Variants in SLC6A5 observed in about 807,000 individuals in gnomAD.
SLC6A5 encodes the protein solute carrier family 6 member 5, also known as sodium- and chloride-dependent glycine transporter 2.
In SLC6A5, 58 loss-of-function variants were observed where a neutral mutation model predicts 90.5. That is an observed-to-expected ratio of 0.64 (90% CI 0.52 to 0.80). SLC6A5 has a LOEUF of 0.80. Ranked by LOEUF, SLC6A5 falls within the 30% of genes least tolerant of loss-of-function variation. The pLI is 0.00. For missense variants in SLC6A5, 1,015 were observed against 1,017.6 expected, an observed-to-expected ratio of 1.00 and a Z score of 0.03; for synonymous variants, 427 against 401.4, an observed-to-expected ratio of 1.06 and a Z score of -0.76.
intron 7 of SLC6A5, among the ~76,000 whole-genome samples, chr11:20,620,176 G>T (rs1309947861): frequency 6.6e-6 from 1 of 152,186 alleles, no homozygotes; most frequent in Non-Finnish European, 1.5e-5. Flanking sequence ...GGCCAGACAG[G>T]TGCCTAGTAG....
intron 5 of SLC6A5, among the ~76,000 whole-genome samples, chr11:20,612,201 C>T (rs966519205): frequency 3.9e-5 from 6 of 152,076 alleles, no homozygotes; most frequent in Admixed American, 2.0e-4. Flanking sequence ...AGTGGCCTTA[C>T]GGGAGATGAT....
At chr11:20,626,667 A>T (rs770548324) in intron 7 of SLC6A5, 41 bp from the exon 8 acceptor site, 2 of 1,610,772 alleles carry the variant, frequency 1.2e-6, no homozygotes, top group South Asian at 1.1e-5. Flanking sequence ...TGCACTCTGC[A>T]GGGCTGCTTC....
Position 20,601,214 on chromosome 11 carries a change from G to T in SLC6A5, c.89G>T (p.Cys30Phe). 1 of 1,583,214 alleles carries T rather than the reference G, an allele frequency of 6.3e-7. No homozygotes were observed. The highest frequency in any genetic ancestry group is 8.5e-7 in the Non-Finnish European group (1 of 1,172,352). The change falls in exon 2 of 16, where the codon TGC (cysteine) becomes TTC (phenylalanine). Residue 30 changes from cysteine (C) to phenylalanine (F), a missense_variant. Physicochemically the swap from Cys to Phe is radical, Grantham distance 205. Around this residue, in one of 3 missense-constraint regions of SLC6A5, gnomAD observed 567 missense variants for 507.3 expected, o/e 1.12. Coordinates refer to ENST00000525748, the MANE Select transcript of SLC6A5 (RefSeq NM_004211.5). ...AAAQGHPDGP[C>F]APRTSPEQEL... is the part of the protein sequence containing the mutation. The stretch of plus-strand genomic sequence containing the variant: ...GCGCAGGGCCACCCGGATGGCCCAT[G>T]CGCTCCCAGGACGAGCCCGGAGCAG...
chr11:20,637,372 T>G, intron 12 of SLC6A5, 69 bp downstream of exon 12: 1 of 1,414,314 alleles, frequency 7.1e-7, no homozygotes, highest in Non-Finnish European at 1.0e-6. Context: ...CTATCTGTCT[T>G]TCAACCCTTA....
Position 20,645,635 on chromosome 11 carries a change from G to GTT in SLC6A5, c.1970-1179_1970-1178dup, listed in dbSNP as rs150652189. 3.6e-4 allele frequency among the ~76,000 whole-genome samples: 34 copies of GTT among 94,688 alleles called. No homozygotes were observed. The East Asian group carries it at 6.6e-3, about 19-fold the overall frequency. 62.1% of individuals were successfully genotyped at this position (94,688 alleles called of 152,430 possible). On this transcript the variant is annotated intron_variant, in intron 13 of 15. Transcript: ENST00000525748. ...ATGGAGGATGAAGGAATGATGAAGT[G>GTT]TTTTTTTTTTTTTTTTTTTTTGAGA...
At chr11:20,611,548 C>CT (rs1852693271) in intron 5 of SLC6A5, among the ~76,000 whole-genome samples, 2 of 152,176 alleles carry the variant, frequency 1.3e-5, no homozygotes, top group African/African-American at 2.4e-5. Context: ...CAGGACTTCA[C>CT]CCTGCACTCT....
At chr11:20,650,535 A>T (rs1328727773) in intron 14 of SLC6A5, among the ~76,000 whole-genome samples, 1 of 151,908 alleles carries the variant, frequency 6.6e-6, no homozygotes, top group Non-Finnish European at 1.5e-5. Flanking sequence ...AGTGAGATAT[A>T]TCCATTTTAT....
At chr11:20,649,979 A>G (rs1267415826) in intron 14 of SLC6A5, among the ~76,000 whole-genome samples, 1 of 152,190 alleles carries the variant, frequency 6.6e-6, no homozygotes, top group African/African-American at 2.4e-5. Context: ...TTGAATTATT[A>G]TTGTACTGAA....
intron 3 of SLC6A5, among the ~76,000 whole-genome samples, chr11:20,605,545 T>G (rs1852562712): frequency 6.6e-6 from 1 of 152,102 alleles, no homozygotes. Context: ...AGGTTCCCGT[T>G]TGGTTTTCCG....
At position 20,636,562 on chromosome 11, in the gene SLC6A5, G is replaced by A. The variant is rs1357389666; in HGVS notation, c.1737+143G>A. 12 of 711,392 alleles carry A rather than the reference G, an allele frequency of 1.7e-5. No individual in the cohort carries two copies. The East Asian group carries it at 3.2e-4, about 19-fold the overall frequency. The allele number at this position is 711,392 out of a possible 1,614,324, so 44.1% of individuals were successfully genotyped here. On this transcript the variant is annotated intron_variant, in intron 11 of 15. Coordinates refer to ENST00000525748, the MANE Select transcript of SLC6A5 (RefSeq NM_004211.5). Reference sequence around the variant, plus strand: ...CCGAGAGATCTAGAGATGCTGAAGTGCCTGTGTAGGGCTCAGGATCACCTT... The same window carrying A: ...CCGAGAGATCTAGAGATGCTGAAGTACCTGTGTAGGGCTCAGGATCACCTT...
intron 5 of SLC6A5, among the ~76,000 whole-genome samples, chr11:20,610,191 G>A (rs960604754): frequency 3.9e-5 from 6 of 152,356 alleles, no homozygotes; most frequent in African/African-American, 1.4e-4. Flanking sequence ...CATTATCGCT[G>A]TTCTTTGTTC....
chr11:20,603,260 AG>A (rs1271782126), intron 2 of SLC6A5, among the ~76,000 whole-genome samples: 1 of 143,340 alleles, frequency 7.0e-6, no homozygotes, highest in Non-Finnish European at 1.6e-5. Flanking sequence ...GTGCCTGGAA[AG>A]CTTTGTGCAG....
chr11:20,623,665 C>A (rs1852935399), intron 7 of SLC6A5, among the ~76,000 whole-genome samples: 1 of 152,122 alleles, frequency 6.6e-6, no homozygotes, highest in Non-Finnish European at 1.5e-5. Context: ...CTGCCCCTCC[C>A]TACTCCCACC....
intron 7 of SLC6A5, among the ~76,000 whole-genome samples, chr11:20,625,376 C>T (rs1456830086): frequency 2.0e-5 from 3 of 152,174 alleles, no homozygotes; most frequent in Non-Finnish European, 4.4e-5. Context: ...ATTTTCCTGC[C>T]TAAGCCTCCT....
intron 1 of SLC6A5, among the ~76,000 whole-genome samples, chr11:20,599,955 A>C (rs1318409997): frequency 2.6e-5 from 4 of 152,176 alleles, no homozygotes; most frequent in Admixed American, 6.5e-5. Flanking sequence ...ATGCCGGTAC[A>C]GAGGCGAGTT....
At chr11:20,619,262 C>G (rs1394211838) in intron 7 of SLC6A5, among the ~76,000 whole-genome samples, 1 of 152,218 alleles carries the variant, frequency 6.6e-6, no homozygotes, top group Non-Finnish European at 1.5e-5. Flanking sequence ...CCCAGGCATG[C>G]TTTGCATCCC....
At position 20,618,981 on chromosome 11, in the gene SLC6A5, A is replaced by ACACACACACACACAC. The variant is rs376434465; in HGVS notation, c.1260+1097_1260+1098insCACACACACACACAC. Among the ~76,000 whole-genome samples, 167 of 107,028 alleles carry ACACACACACACACAC rather than the reference A, an allele frequency of 1.6e-3. 2 individuals are homozygous for ACACACACACACACAC. The highest frequency in any genetic ancestry group is 5.9e-3 in the Admixed American group (65 of 11,050). 70.2% of individuals were successfully genotyped at this position (107,028 alleles called of 152,430 possible). A position where few individuals can be genotyped will look rare whatever the true frequency, so the allele number is the denominator to read the frequency against. The stretch of plus-strand genomic sequence containing the variant: ...ACACACACACACACACACACACACA[A>ACACACACACACACAC]AGAAAAACCTACTGAAGAGTTAACC... On this transcript the variant is annotated intron_variant, in intron 7 of 15. Transcript: ENST00000525748.
In SLC6A5 at chr11:20,630,710, T is replaced by G. The variant is rs781431945; in HGVS notation, c.1519T>G (p.Cys507Gly). 6.2e-7 allele frequency: 1 copy of G among 1,614,276 alleles called. No individual in the cohort carries two copies. Among genetic ancestry groups the G allele is most frequent in the Non-Finnish European group, 8.5e-7 (1 of 1,180,038 alleles). Reference sequence around the variant, plus strand: ...TTCCAGGGACACTCTAATTGTCACCTGCACCAACAGTGCCACAAGCATCTT... The same window carrying G: ...TTCCAGGGACACTCTAATTGTCACCGGCACCAACAGTGCCACAAGCATCTT... ...NCYRDTLIVT[C>G]TNSATSIFAG... Residue 507 changes from cysteine (C) to glycine (G), a missense_variant, in exon 10 of 16, where the codon TGC becomes GGC. Cys to Gly is a radical substitution (Grantham distance 159). Coordinates refer to ENST00000525748, the MANE Select transcript of SLC6A5 (RefSeq NM_004211.5).
At chr11:20,641,548 A>C (rs1380837172) in intron 13 of SLC6A5, among the ~76,000 whole-genome samples, 3 of 152,152 alleles carry the variant, frequency 2.0e-5, no homozygotes, top group Non-Finnish European at 1.5e-5. Flanking sequence ...AAATCTGCAA[A>C]TTCAAGCTTA....
Sources: allele counts gnomAD v4.1 joint callset (sites outside exome capture counted in the v4.1 genomes callset), GRCh38; gene constraint gnomAD v4.1.1; regional missense constraint gnomAD v4.1.1; transcripts MANE v1.5; gene names NCBI Gene and HGNC (gene_info 2026-07-23, HGNC 2026-07-21).